INTS2: variants seen among roughly 807,000 people sequenced by gnomAD.
INTS2 encodes the protein integrator complex subunit 2, also known as KIAA1287.
INTS2 carries 57 observed loss-of-function variants against 139.6 expected under a neutral mutation model. The ratio of observed to expected loss-of-function variants is 0.41; its 90% CI spans 0.33 to 0.51. The LOEUF (loss-of-function observed/expected upper bound fraction) is 0.51, where lower values mean the gene tolerates loss of function less well. INTS2 is among the 20% of genes least tolerant of loss of function. The probability of loss-of-function intolerance (pLI) is 0.28; values close to 1 mark genes in which losing one functional copy is unlikely to be tolerated. For missense variants in INTS2, 1,196 were observed against 1,436.7 expected (o/e 0.83, Z 2.71); for synonymous variants, 473 against 493.4 (o/e 0.96, Z 0.55).
chr17:61,899,099 A>T (rs1017169880), intron 9 of INTS2, among the ~76,000 whole-genome samples: 1 of 152,240 alleles, frequency 6.6e-6, no homozygotes, highest in Non-Finnish European at 1.5e-5. Context: ...TATAACAAAT[A>T]ATAAAGTGTT....
intron 9 of INTS2, among the ~76,000 whole-genome samples, chr17:61,898,180 AAATTT>A (rs1255757085): frequency 6.6e-6 from 1 of 152,240 alleles, no homozygotes; most frequent in Non-Finnish European, 1.5e-5. Context: ...TGGAAAAATG[AAATTT>A]AATTTATAGA....
rs776384681 is a variant in INTS2, at chr17:61,869,992, T to A, written c.2779-4A>T. 6.3e-7 allele frequency: 1 copy of A among 1,590,536 alleles called. No individual in the cohort carries two copies. The highest frequency in any genetic ancestry group is 8.6e-7 in the Non-Finnish European group (1 of 1,169,156). ...GAATCTGGACAGCTGCACTATCCTA[T>A]AAGCAAACAAAACATAGAAAAAGTA... On this transcript the variant is annotated splice_polypyrimidine_tract_variant and splice_region_variant and intron_variant, in intron 20 of 24. Coordinates refer to ENST00000251334, the MANE Select transcript of INTS2 (RefSeq NM_001351695.2). This position sits in a 1 kb window ranked among gnomAD's most constrained non-coding sequence, Gnocchi z 5.4.
intron 3 of INTS2, among the ~76,000 whole-genome samples, chr17:61,924,076 G>A (rs2079682106): frequency 6.6e-6 from 1 of 152,104 alleles, no homozygotes; most frequent in African/African-American, 2.4e-5. Flanking sequence ...AAGATAACTT[G>A]AATAGCTTTC....
In INTS2 at chr17:61,909,823, A is replaced by ATGTGTGTGTG. The variant is rs78460850; in HGVS notation, c.954+1687_954+1696dup. Among the ~76,000 whole-genome samples, 10 of 138,778 alleles carry ATGTGTGTGTG rather than the reference A, an allele frequency of 7.2e-5. No individual in the cohort carries two copies. The highest frequency in any genetic ancestry group is 1.6e-4 in the African/African-American group (6 of 38,514). The allele number at this position is 138,778 out of a possible 152,430, so 91.0% of individuals were successfully genotyped here. A position where few individuals can be genotyped will look rare whatever the true frequency, so the allele number is the denominator to read the frequency against. ...TATACGTGTGTGTGTACATGTGTGT[A>ATGTGTGTGTG]TGTGTGTGTGTGTGTGTGTGTGTGT... On this transcript the variant is annotated intron_variant, in intron 7 of 24. Coordinates refer to ENST00000251334, the MANE Select transcript of INTS2 (RefSeq NM_001351695.2). The surrounding 1 kb of genome is among the most constrained non-coding windows in gnomAD (Gnocchi z 4.9).
chr17:61,901,577 CTTTTTTTTTTTTTTTT>C (rs55751869), intron 9 of INTS2, among the ~76,000 whole-genome samples: 7 of 49,454 alleles, frequency 1.4e-4, no homozygotes, highest in East Asian at 5.2e-4. Flanking sequence ...AGAATGATTT[CTTTTTTTTTTTTTTTT>C]TTTTTTTTTT....
intron 2 of INTS2, among the ~76,000 whole-genome samples, 200 bp downstream of exon 2, chr17:61,926,152 T>C (rs1288729071): frequency 2.6e-5 from 4 of 152,156 alleles, no homozygotes; most frequent in Admixed American, 6.6e-5. Context: ...CAACAGCACA[T>C]TGCCATATTT....
rs2079054622 is a variant in INTS2 at position 61,867,473 on chromosome 17, CCATT to C, written c.*80_*83del. On this transcript the variant is annotated 3_prime_UTR_variant, in exon 25 of 25. Transcript: ENST00000251334. This position sits in a 1 kb window ranked among gnomAD's most constrained non-coding sequence, Gnocchi z 5.6. Reference sequence around the variant, plus strand: ...ATTCCAAGACAATACTTTACTGTTCCCATTCAGTTTAGAGTTGTTACTAATATGC... The same window carrying C: ...ATTCCAAGACAATACTTTACTGTTCCCAGTTTAGAGTTGTTACTAATATGC... 3.7e-5 allele frequency: 27 copies of C among 736,780 alleles called. No individual in the cohort carries two copies. In the South Asian group the frequency reaches 5.4e-4, roughly 15 times the overall value. The allele number at this position is 736,780 out of a possible 1,614,324, so 45.6% of individuals were successfully genotyped here.
intron 14 of INTS2, among the ~76,000 whole-genome samples, chr17:61,890,668 G>T (rs944133594): frequency 2.2e-4 from 33 of 150,734 alleles, no homozygotes; most frequent in African/African-American, 8.0e-4. Context: ...TTCCCAGGAT[G>T]CTAAACAAAC....
chr17:61,892,419 T>A lies in INTS2; in HGVS notation c.1699-730A>T, dbSNP rs367572535. On this transcript the variant is annotated intron_variant, in intron 13 of 24. Coordinates refer to ENST00000251334, the MANE Select transcript of INTS2 (RefSeq NM_001351695.2). Reference sequence around the variant, plus strand: ...TAGCCAACTAAGACAAATCAAAACATGTCAAAATTCTAAGTTAGGTGTGAG... The same window carrying A: ...TAGCCAACTAAGACAAATCAAAACAAGTCAAAATTCTAAGTTAGGTGTGAG... 5.9e-5 allele frequency among the ~76,000 whole-genome samples: 9 copies of A among 152,304 alleles called. No individual in the cohort carries two copies. In the East Asian group the frequency reaches 9.7e-4, roughly 16 times the overall value.
Position 61,907,705 on chromosome 17 carries a change from T to C in INTS2, c.955-71A>G, listed in dbSNP as rs1016165490. ...ACTAAACTAAAAGGGAGCTAAAACA[T>C]AGCACCCCACTTAAACACTTTCAAA... On this transcript the variant is annotated intron_variant, in intron 7 of 24. Transcript: ENST00000251334. 16 of 1,200,196 alleles carry C rather than the reference T, an allele frequency of 1.3e-5. No homozygotes were observed. In the African/African-American group the frequency reaches 1.7e-4, roughly 13 times the overall value. 74.3% of individuals were successfully genotyped at this position (1,200,196 alleles called of 1,614,324 possible).
rs1316357648 is a variant in INTS2 at position 61,869,762 on chromosome 17, T to C, written c.3005A>G (p.Asn1002Ser). ...LLHQMYIADP[N>S]IAKLVHFQGY... is the part of the protein sequence containing the mutation. ...CTGAAAGTGAACAAGCTTAGCAATGTTGGGATCTGCAATGTACATTTGGTG... is the reference window on the plus strand; with the variant it reads ...CTGAAAGTGAACAAGCTTAGCAATGCTGGGATCTGCAATGTACATTTGGTG... Residue 1002 changes from asparagine to serine, a missense_variant, in exon 21 of 25, where the codon AAC (asparagine) becomes AGC (serine). Around this residue, in one of 3 missense-constraint regions of INTS2, gnomAD observed 1,129 missense variants for 1,341.9 expected, o/e 0.84. Coordinates refer to ENST00000251334, the MANE Select transcript of INTS2 (RefSeq NM_001351695.2). The surrounding 1 kb of genome is among the most constrained non-coding windows in gnomAD (Gnocchi z 5.4). The C allele has an allele frequency of 1.9e-6, 3 of 1,613,786 alleles. No homozygotes were observed. The highest frequency in any genetic ancestry group is 2.2e-5 in the South Asian group (2 of 91,066).
In INTS2 at chr17:61,869,831, A is replaced by G. The variant is rs1333440317; in HGVS notation, c.2936T>C (p.Leu979Pro). 1.9e-6 allele frequency: 3 copies of G among 1,613,808 alleles called. No individual in the cohort carries two copies. The highest frequency in any genetic ancestry group is 2.7e-5 in the African/African-American group (2 of 74,932). Reference protein sequence around the residue: ...KGMEEGEDNLLCNLREVQCLI... With the variant: ...KGMEEGEDNLPCNLREVQCLI... ...GCACTGAACTTCTCGAAGGTTACAGAGCAAATTGTCTTCTCCTTCCTCCAT... is the reference window on the plus strand; with the variant it reads ...GCACTGAACTTCTCGAAGGTTACAGGGCAAATTGTCTTCTCCTTCCTCCAT... Residue 979 changes from leucine (L) to proline (P), a missense_variant, in exon 21 of 25, where the codon CTC becomes CCC. Physicochemically the swap from Leu to Pro is moderately conservative, Grantham distance 98. This residue lies in a region of INTS2 where 1,129 missense variants were observed against 1,341.9 expected (regional missense o/e 0.84). Transcript: ENST00000251334. The surrounding 1 kb of genome is among the most constrained non-coding windows in gnomAD (Gnocchi z 5.4).
At position 61,927,736 on chromosome 17, in the gene INTS2, G is replaced by A. The variant is rs1056280585; in HGVS notation, c.-101C>T. On this transcript the variant is annotated 5_prime_UTR_variant, in exon 1 of 25. Coordinates refer to ENST00000251334, the MANE Select transcript of INTS2 (RefSeq NM_001351695.2). ...GGGACGCGGCAGAAATCGAGAGCGC[G>A]GTCCGATGTTGGGCCTAGGCGATAT... 15 of 1,471,672 alleles carry A rather than the reference G, an allele frequency of 1.0e-5. No individual in the cohort carries two copies. Among genetic ancestry groups the A allele is most frequent in the African/African-American group, 2.8e-5 (2 of 70,852 alleles). 91.2% of individuals were successfully genotyped at this position (1,471,672 alleles called of 1,614,324 possible). A position where few individuals can be genotyped will look rare whatever the true frequency, so the allele number is the denominator to read the frequency against.
In INTS2 at chr17:61,865,517, CATTTT is replaced by C. The variant is rs1157659438; in HGVS notation, c.*2035_*2039del. The C allele has an allele frequency of 1.3e-5, 2 of 152,692 alleles. No homozygotes were observed. Among genetic ancestry groups the C allele is most frequent in the South Asian group, 2.1e-4 (1 of 4,830 alleles). 9.5% of individuals were successfully genotyped at this position (152,692 alleles called of 1,614,324 possible). On this transcript the variant is annotated 3_prime_UTR_variant, in exon 25 of 25. Coordinates refer to ENST00000251334, the MANE Select transcript of INTS2 (RefSeq NM_001351695.2). This position sits in a 1 kb window ranked among gnomAD's most constrained non-coding sequence, Gnocchi z 4.8. The stretch of plus-strand genomic sequence containing the variant: ...ATTAACATTTACTAATATATTTACA[CATTTT>C]ATTTACATCATCAACAAATCTGATG...
chr17:61,895,611 T>C (rs2079339237), intron 11 of INTS2, among the ~76,000 whole-genome samples: 1 of 152,020 alleles, frequency 6.6e-6, no homozygotes, highest in South Asian at 2.1e-4. Flanking sequence ...TTTCAGTCGG[T>C]TGGGGGAAAC....
chr17:61,894,402 T>C (rs9892063), intron 12 of INTS2, among the ~76,000 whole-genome samples: 13,708 of 152,240 alleles, frequency 0.09, 2,092 homozygotes, highest in African/African-American at 0.31. Context: ...CTCTTCAAAG[T>C]TGTCTTCCAA....
In INTS2 at chr17:61,871,365, A is replaced by C. The variant is rs1217287547; in HGVS notation, c.2778+900T>G. 6.6e-6 allele frequency among the ~76,000 whole-genome samples: 1 copy of C among 151,954 alleles called. No individual in the cohort carries two copies. The highest frequency in any genetic ancestry group is 2.4e-5 in the African/African-American group (1 of 41,390). ...CAAAACTCCTGAACTCAGGTGATCC[A>C]CCCACCTCAGCCACCCAAAGTGCTG... On this transcript the variant is annotated intron_variant, in intron 20 of 24. Transcript: ENST00000251334. This position sits in a 1 kb window ranked among gnomAD's most constrained non-coding sequence, Gnocchi z 4.9.
At chr17:61,886,645 C>A (rs2079231681) in intron 15 of INTS2, among the ~76,000 whole-genome samples, 1 of 152,202 alleles carries the variant, frequency 6.6e-6, no homozygotes, top group Admixed American at 6.5e-5. Context: ...TCAATAGTAT[C>A]TTTCTCTGTC....
At chr17:61,889,087 TCTA>T (rs1324111562) in intron 15 of INTS2, among the ~76,000 whole-genome samples, 2 of 147,758 alleles carry the variant, frequency 1.4e-5, no homozygotes, top group African/African-American at 2.5e-5. Context: ...AAGAAACTCT[TCTA>T]CTTTTTTTTT....
Sources: gnomAD v4.1 joint callset for allele counts (sites outside exome capture counted in the v4.1 genomes callset) on GRCh38, gnomAD v4.1.1 for gene constraint, gnomAD v4.1.1 regional missense constraint, Gnocchi (gnomAD v3.1) non-coding constraint, MANE v1.5 for transcripts, NCBI Gene and HGNC (gene_info 2026-07-23, HGNC 2026-07-21) for gene names.